ATP13A3: variants seen among roughly 807,000 people sequenced by gnomAD.
ATP13A3 encodes the protein ATPase 13A3.
ATP13A3 carries 59 observed loss-of-function variants against 158.1 expected under a neutral mutation model. That is an observed-to-expected ratio of 0.37 (90% CI 0.30 to 0.46). ATP13A3 has a LOEUF of 0.46. Among genes scored for constraint, ATP13A3 ranks in the 20% least tolerant of loss-of-function variants. ATP13A3 has a pLI of 1.00. For synonymous variants in ATP13A3, 491 were observed against 504.3 expected (o/e 0.97, Z 0.35); for missense variants, 1,166 against 1,525.2 (o/e 0.76, Z 3.92).
chr3:194,431,882 C>A lies in ATP13A3; in HGVS notation c.2256G>T (p.Met752Ile). ...CTCTGGCCACAGAGACAGCAGTCAACATACTGTCACCTAATTTTCAAAATA... is the reference window on the plus strand; with the variant it reads ...CTCTGGCCACAGAGACAGCAGTCAAAATACTGTCACCTAATTTTCAAAATA... The part of the protein sequence containing the change: ...IRTVMVTGDS[M>I]LTAVSVARDC... The change falls in exon 22 of 34, where the codon ATG becomes ATT. Residue 752 changes from methionine to isoleucine, a missense_variant. Physicochemically the swap from Met to Ile is conservative, Grantham distance 10 (BLOSUM62 1). Transcript: ENST00000645319. 5.7e-6 allele frequency: 9 copies of A among 1,580,102 alleles called. No homozygotes were observed. The highest frequency in any genetic ancestry group is 7.7e-6 in the Non-Finnish European group (9 of 1,168,372).
chr3:194,443,293 T>C (rs1192741265), intron 15 of ATP13A3, among the ~76,000 whole-genome samples: 1 of 152,120 alleles, frequency 6.6e-6, no homozygotes, highest in African/African-American at 2.4e-5. Flanking sequence ...AAGGCAGTAT[T>C]AACATCCATG....
intron 21 of ATP13A3, 82 bp downstream of exon 21, chr3:194,433,690 T>G: frequency 6.5e-7 from 1 of 1,534,746 alleles, no homozygotes; most frequent in Non-Finnish European, 8.9e-7. Context: ...AATATGATTT[T>G]ATAACTGATT....
rs1009114975 is a variant in ATP13A3 at position 194,441,540 on chromosome 3, G to C, written c.1560-79C>G. 8 of 1,292,980 alleles carry C rather than the reference G, an allele frequency of 6.2e-6. No homozygotes were observed. The African/African-American group carries it at 1.2e-4, about 20-fold the overall frequency. 80.1% of individuals were successfully genotyped at this position (1,292,980 alleles called of 1,614,324 possible). Reference sequence around the variant, plus strand: ...ATTCTAACAGGGCTTTTCTGGTTTTGTAATTAAAAAAAAAATCTTTTAAAT... The same window carrying C: ...ATTCTAACAGGGCTTTTCTGGTTTTCTAATTAAAAAAAAAATCTTTTAAAT... On this transcript the variant is annotated intron_variant, in intron 15 of 33. Coordinates refer to ENST00000645319, the MANE Select transcript of ATP13A3 (RefSeq NM_001367549.1).
chr3:194,454,568 C>T (rs1719063852), intron 8 of ATP13A3, among the ~76,000 whole-genome samples, 176 bp from the exon 9 acceptor site: 2 of 152,212 alleles, frequency 1.3e-5, no homozygotes, highest in Admixed American at 6.5e-5. Context: ...GTGGCTCACG[C>T]CTGTAATCCC....
chr3:194,467,919 T>G (rs11926357), intron 2 of ATP13A3: 8 of 152,026 alleles, frequency 5.3e-5, no homozygotes, highest in African/African-American at 1.9e-4. Context: ...GGAGCACACG[T>G]TTTTTAACCA....
At chr3:194,419,392 T>C (rs1312289870) in intron 31 of ATP13A3, among the ~76,000 whole-genome samples, 1 of 152,190 alleles carries the variant, frequency 6.6e-6, no homozygotes, top group Non-Finnish European at 1.5e-5. Context: ...GTTCATTTTT[T>C]CAGGTTGGAT....
intron 28 of ATP13A3, among the ~76,000 whole-genome samples, chr3:194,427,626 C>T (rs186801400): frequency 3.3e-4 from 47 of 143,142 alleles, no homozygotes; most frequent in African/African-American, 1.1e-3. Context: ...TAGTGAAACC[C>T]CATCTCTACA....
intron 31 of ATP13A3, among the ~76,000 whole-genome samples, chr3:194,417,354 G>A (rs1039965363): frequency 8.0e-5 from 12 of 149,496 alleles, no homozygotes; most frequent in Non-Finnish European, 8.9e-5. Context: ...GACAAAGCTT[G>A]CAGTGGGCTG....
At position 194,437,163 on chromosome 3, in the gene ATP13A3, A is replaced by G. The variant is rs1717703339; in HGVS notation, c.2052T>C (p.Arg684=). 3 of 1,614,076 alleles carry G rather than the reference A, an allele frequency of 1.9e-6. No individual in the cohort carries two copies. Among genetic ancestry groups the G allele is most frequent in the Non-Finnish European group, 2.5e-6 (3 of 1,179,910 alleles). Residue 684 remains arginine (R), a synonymous_variant, in exon 20 of 34, where the codon CGT becomes CGC. Transcript: ENST00000645319. ...ATTTTCTGTGTGCAAGAGCAATCAC[A>G]CGGAAGCCCTGTTTAGTGAAGTCTT... ...VLEDFTKQGF[R]VIALAHRKLE... is the part of the protein sequence containing the mutation.
At chr3:194,429,110 T>C (rs112042983) in intron 27 of ATP13A3, among the ~76,000 whole-genome samples, 193 bp from the exon 28 acceptor site, 17 of 152,108 alleles carry the variant, frequency 1.1e-4, no homozygotes, top group African/African-American at 3.9e-4. Flanking sequence ...ATTTAGTATA[T>C]TAGTATAAAA....
chr3:194,467,101 T>C (rs1037796427), intron 2 of ATP13A3, among the ~76,000 whole-genome samples: 2 of 152,360 alleles, frequency 1.3e-5, no homozygotes, highest in Middle Eastern at 3.4e-3. Context: ...TTCCCACTCC[T>C]GTAAATCCAA....
chr3:194,455,331 G>A (rs957620321), intron 8 of ATP13A3, among the ~76,000 whole-genome samples: 2 of 152,120 alleles, frequency 1.3e-5, no homozygotes, highest in African/African-American at 2.4e-5. Flanking sequence ...TCAAATTGAT[G>A]CTTCTGTACT....
chr3:194,460,448 G>A (rs535030692), intron 4 of ATP13A3, among the ~76,000 whole-genome samples: 1 of 152,242 alleles, frequency 6.6e-6, no homozygotes, highest in Admixed American at 6.5e-5. Context: ...AAGGAAGGGG[G>A]TGAATCTGAT....
intron 2 of ATP13A3, among the ~76,000 whole-genome samples, chr3:194,471,025 T>C (rs560580323): frequency 2.0e-5 from 3 of 152,230 alleles, no homozygotes; most frequent in South Asian, 4.1e-4. Flanking sequence ...CTAGTGCCTT[T>C]TGAATGCCTT....
intron 13 of ATP13A3, 28 bp from the exon 14 acceptor site, chr3:194,447,143 A>T (rs752790335): frequency 1.9e-6 from 3 of 1,553,976 alleles, no homozygotes; most frequent in Non-Finnish European, 2.6e-6. Flanking sequence ...ATAAATGTCA[A>T]ATCCCCAGTA....
At chr3:194,424,682 A>G (rs562886777) in intron 30 of ATP13A3, among the ~76,000 whole-genome samples, 25 of 152,266 alleles carry the variant, frequency 1.6e-4, no homozygotes, top group South Asian at 1.5e-3. Context: ...TTTAATTGGC[A>G]ATTTATATGT....
intron 27 of ATP13A3, among the ~76,000 whole-genome samples, chr3:194,429,397 T>C (rs1560081470): frequency 6.6e-6 from 1 of 152,248 alleles, no homozygotes; most frequent in Non-Finnish European, 1.5e-5. Context: ...CAGAACACTT[T>C]GATTATAAAA....
chr3:194,456,795 A>G (rs891896491), intron 7 of ATP13A3, among the ~76,000 whole-genome samples: 1 of 152,148 alleles, frequency 6.6e-6, no homozygotes, highest in Non-Finnish European at 1.5e-5. Flanking sequence ...ACACTTCACC[A>G]ACTCTATGAC....
chr3:194,408,352 A>T (rs985310059), intron 33 of ATP13A3, among the ~76,000 whole-genome samples: 2 of 152,162 alleles, frequency 1.3e-5, no homozygotes, highest in Non-Finnish European at 2.9e-5. Context: ...GCACTGTTAG[A>T]TTACCACAGG....
Sources: gnomAD v4.1 joint callset for allele counts (sites outside exome capture counted in the v4.1 genomes callset) on GRCh38, gnomAD v4.1.1 for gene constraint, MANE v1.5 for transcripts, NCBI Gene and HGNC (gene_info 2026-07-23, HGNC 2026-07-21) for gene names.